Variants in ZBTB7C observed in about 807,000 individuals in gnomAD.
The protein encoded by ZBTB7C is zinc finger and BTB domain containing 7C, also known as zinc finger and BTB domain-containing protein 7C.
A neutral mutation model predicts 25.7 loss-of-function variants in ZBTB7C; 8 were observed. That is an observed-to-expected ratio of 0.31 (90% CI 0.18 to 0.56). ZBTB7C has a LOEUF of 0.56. Among genes scored for constraint, ZBTB7C ranks in the 20% least tolerant of loss-of-function variants. The pLI is 0.91. For missense variants in ZBTB7C, 824 were observed against 855.2 expected (o/e 0.96, Z 0.46); for synonymous variants, 394 against 369.0 (o/e 1.07, Z -0.78).
intron 1 of ZBTB7C, among the ~76,000 whole-genome samples, chr18:48,395,813 A>C (rs148871268): frequency 2.6e-5 from 4 of 152,236 alleles, no homozygotes; most frequent in Non-Finnish European, 5.9e-5. Flanking sequence ...GAATCTGAGA[A>C]GAAGTAAAAA....
intron 3 of ZBTB7C, among the ~76,000 whole-genome samples, chr18:48,167,731 T>G (rs1195993801): frequency 6.6e-6 from 1 of 152,230 alleles, no homozygotes; most frequent in African/African-American, 2.4e-5. Context: ...AGTCCTTTTC[T>G]GGTTACCCGA....
At chr18:48,266,895 A>G (rs1488431002) in intron 2 of ZBTB7C, among the ~76,000 whole-genome samples, 1 of 152,148 alleles carries the variant, frequency 6.6e-6, no homozygotes, top group East Asian at 1.9e-4. Flanking sequence ...GAATATTATA[A>G]GATATGTGTT....
intron 3 of ZBTB7C, among the ~76,000 whole-genome samples, chr18:48,075,780 A>G (rs2037739726): frequency 6.6e-6 from 1 of 152,184 alleles, no homozygotes; most frequent in Non-Finnish European, 1.5e-5. Flanking sequence ...CAGGTTAAAC[A>G]GAAGAGCCTT....
chr18:48,162,539 C>A, intron 3 of ZBTB7C: 1 of 401,608 alleles, frequency 2.5e-6, no homozygotes, highest in Non-Finnish European at 5.2e-6. Flanking sequence ...GATGTATTGG[C>A]TACATGGTCA....
At chr18:48,176,342 A>G (rs2041677168) in intron 3 of ZBTB7C, among the ~76,000 whole-genome samples, 1 of 152,234 alleles carries the variant, frequency 6.6e-6, no homozygotes, top group Non-Finnish European at 1.5e-5. Context: ...AAAGGCTGTG[A>G]AAAGGTTCCA....
intron 2 of ZBTB7C, among the ~76,000 whole-genome samples, chr18:48,325,446 T>C (rs1568377326): frequency 6.6e-6 from 1 of 152,230 alleles, no homozygotes; most frequent in Non-Finnish European, 1.5e-5. Flanking sequence ...GAAACATGTG[T>C]GAAATACCCC....
chr18:48,220,177 T>C (rs181947953), intron 2 of ZBTB7C, among the ~76,000 whole-genome samples: 1 of 152,306 alleles, frequency 6.6e-6, no homozygotes, highest in African/African-American at 2.4e-5. Context: ...CAGTTCCCTC[T>C]GAAGGCAGAG....
chr18:48,285,666 T>C (rs8095433), intron 2 of ZBTB7C, among the ~76,000 whole-genome samples: 4,758 of 152,266 alleles, frequency 0.031, 255 homozygotes, highest in African/African-American at 0.11. Flanking sequence ...TTCATCTTTT[T>C]CTGTCATTAA....
chr18:48,193,291 C>T (rs7241672), intron 2 of ZBTB7C, among the ~76,000 whole-genome samples: 94,170 of 152,058 alleles, frequency 0.62, 29,161 homozygotes, highest in Non-Finnish European at 0.64. Flanking sequence ...GCCAGGCACA[C>T]TCTCCCTGAC....
intron 2 of ZBTB7C, among the ~76,000 whole-genome samples, chr18:48,272,592 T>C (rs866950564): frequency 1.3e-5 from 2 of 152,144 alleles, no homozygotes; most frequent in South Asian, 2.1e-4. Flanking sequence ...TGGGAAAGAG[T>C]GAAGAGTTTC....
intron 3 of ZBTB7C, among the ~76,000 whole-genome samples, chr18:48,134,363 C>T (rs2040050646): frequency 6.6e-6 from 1 of 152,162 alleles, no homozygotes; most frequent in South Asian, 2.1e-4. Context: ...AAACATCCAT[C>T]CAACACCATT....
chr18:48,221,992 A>G (rs546244935), intron 2 of ZBTB7C, among the ~76,000 whole-genome samples: 1 of 147,930 alleles, frequency 6.8e-6, no homozygotes, highest in South Asian at 2.1e-4. Context: ...TCTCCTCTAT[A>G]CTGTCCTAGT....
At chr18:48,290,485 C>T (rs1313351487) in intron 2 of ZBTB7C, among the ~76,000 whole-genome samples, 2 of 152,248 alleles carry the variant, frequency 1.3e-5, no homozygotes, top group African/African-American at 4.8e-5. Flanking sequence ...CAGGCGTGCC[C>T]TGCTCTTTGA....
intron 2 of ZBTB7C, among the ~76,000 whole-genome samples, chr18:48,241,623 A>G (rs566234467): frequency 2.2e-4 from 34 of 152,344 alleles, no homozygotes; most frequent in African/African-American, 7.9e-4. Flanking sequence ...CAACAATGAA[A>G]TCAAGATAGA....
intron 1 of ZBTB7C, among the ~76,000 whole-genome samples, chr18:48,386,598 C>G (rs1371797329): frequency 6.6e-6 from 1 of 152,202 alleles, no homozygotes; most frequent in Non-Finnish European, 1.5e-5. Flanking sequence ...TATACAAAAA[C>G]AACCTTGAGT....
At chr18:48,111,129 G>A (rs1383567018) in intron 3 of ZBTB7C, among the ~76,000 whole-genome samples, 7 of 152,094 alleles carry the variant, frequency 4.6e-5, no homozygotes, top group Non-Finnish European at 8.8e-5. Flanking sequence ...TTCCCAATTT[G>A]TGCCCTGACC....
intron 2 of ZBTB7C, among the ~76,000 whole-genome samples, chr18:48,233,819 G>A (rs2043313223): frequency 6.6e-6 from 1 of 152,086 alleles, no homozygotes; most frequent in Non-Finnish European, 1.5e-5. Flanking sequence ...GGGGTGGGAG[G>A]CTGCTTGTGG....
At chr18:48,132,982 A>G (rs2040033943) in intron 3 of ZBTB7C, among the ~76,000 whole-genome samples, 1 of 152,240 alleles carries the variant, frequency 6.6e-6, no homozygotes, top group African/African-American at 2.4e-5. Flanking sequence ...AATTTGGAAA[A>G]GCCGACATAG....
chr18:48,393,163 C>G (rs1437101507), intron 1 of ZBTB7C, among the ~76,000 whole-genome samples: 1 of 152,132 alleles, frequency 6.6e-6, no homozygotes, highest in South Asian at 2.1e-4. Context: ...CCCTGAAGAG[C>G]CCACCTGCCA....
Sources: gnomAD v4.1 joint callset for allele counts (sites outside exome capture counted in the v4.1 genomes callset) on GRCh38, gnomAD v4.1.1 for gene constraint, MANE v1.5 for transcripts, NCBI Gene and HGNC (gene_info 2026-07-23, HGNC 2026-07-21) for gene names.